The following MARCHF6 variants were observed in gnomAD, a reference collection of about 807,000 sequenced individuals.
MARCHF6 encodes the protein membrane associated ring-CH-type finger 6, also known as E3 ubiquitin-protein ligase MARCHF6.
Under a neutral mutation model 133.7 loss-of-function variants are expected in MARCHF6, and 31 were observed. The ratio of observed to expected loss-of-function variants is 0.23; its 90% confidence interval spans 0.17 to 0.31. The LOEUF is 0.31. Ranked by LOEUF, MARCHF6 falls within the 10% of genes least tolerant of loss-of-function variation. The probability of loss-of-function intolerance (pLI) is 1.00; values close to 1 mark genes in which losing one functional copy is unlikely to be tolerated. For missense variants in MARCHF6, 723 were observed against 1,121.6 expected (o/e 0.64, Z 5.08); for synonymous variants, 395 against 402.5 (o/e 0.98, Z 0.22).
intron 5 of MARCHF6, among the ~76,000 whole-genome samples, chr5:10,387,880 T>G (rs998813870): frequency 6.6e-5 from 10 of 152,136 alleles, no homozygotes; most frequent in African/African-American, 2.4e-4. Flanking sequence ...CAGGCTCGTC[T>G]CAAACTCCTA....
chr5:10,365,012 A>C (rs1339419276), intron 1 of MARCHF6, among the ~76,000 whole-genome samples: 5 of 151,972 alleles, frequency 3.3e-5, no homozygotes, highest in African/African-American at 9.7e-5. Flanking sequence ...CATGTTGGCC[A>C]AGCTGGTCTT....
At chr5:10,362,615 A>G (rs1735894531) in intron 1 of MARCHF6, among the ~76,000 whole-genome samples, 1 of 152,268 alleles carries the variant, frequency 6.6e-6, no homozygotes, top group Non-Finnish European at 1.5e-5. Context: ...ATTATAAGAC[A>G]ATTGGATTCT....
At chr5:10,405,780 T>C in intron 16 of MARCHF6, 103 bp downstream of exon 16, 3 of 952,764 alleles carry the variant, frequency 3.1e-6, no homozygotes, top group Non-Finnish European at 4.5e-6. Flanking sequence ...TGATAGAGTA[T>C]ATTGAATAAT....
At chr5:10,395,252 A>G (rs753577120) in intron 9 of MARCHF6, among the ~76,000 whole-genome samples, 1 of 152,218 alleles carries the variant, frequency 6.6e-6, no homozygotes, top group Non-Finnish European at 1.5e-5. Context: ...ATATTGAAAA[A>G]GCATAAAGGT....
chr5:10,383,910 T>G (rs1005743425), intron 4 of MARCHF6, among the ~76,000 whole-genome samples: 17 of 152,174 alleles, frequency 1.1e-4, no homozygotes, highest in Non-Finnish European at 1.6e-4. Context: ...GTGGGGAGAT[T>G]ATAGATGTTC....
At chr5:10,433,500 G>A (rs1740467797) in intron 25 of MARCHF6, 94 bp from the exon 26 acceptor site, 7 of 922,218 alleles carry the variant, frequency 7.6e-6, no homozygotes, top group African/African-American at 1.6e-5. Flanking sequence ...AACCATTGAC[G>A]AGTTTTAAGT....
rs1740777788 is a variant in MARCHF6, at chr5:10,439,531, A to C, written c.*5847A>C. 6.6e-6 allele frequency: 1 copy of C among 152,252 alleles called. No individual in the cohort carries two copies. The highest frequency in any genetic ancestry group is 1.5e-5 in the Non-Finnish European group (1 of 68,048). 9.4% of individuals were successfully genotyped at this position (152,252 alleles called of 1,614,324 possible). Reference sequence around the variant, plus strand: ...TGTAGAGTGGCAGAAAAATATTTGCAAAACATTTCTGATAAATGAGTTGCA... The same window carrying C: ...TGTAGAGTGGCAGAAAAATATTTGCCAAACATTTCTGATAAATGAGTTGCA... On this transcript the variant is annotated 3_prime_UTR_variant, in exon 26 of 26. Coordinates refer to ENST00000274140, the MANE Select transcript of MARCHF6 (RefSeq NM_005885.4).
intron 9 of MARCHF6, among the ~76,000 whole-genome samples, chr5:10,396,722 G>A (rs1738212968): frequency 1.3e-5 from 2 of 152,174 alleles, no homozygotes; most frequent in South Asian, 4.1e-4. Context: ...AGAGGTGACA[G>A]TATGTAACTG....
intron 4 of MARCHF6, 26 bp downstream of exon 4, chr5:10,381,969 GTTAT>G (rs781171170): frequency 6.2e-7 from 1 of 1,604,082 alleles, no homozygotes. Flanking sequence ...TCTGATTGGA[GTTAT>G]TTAAACATTG....
intron 1 of MARCHF6, among the ~76,000 whole-genome samples, chr5:10,367,321 A>T (rs1475694432): frequency 1.3e-5 from 2 of 152,244 alleles, no homozygotes; most frequent in African/African-American, 4.8e-5. Context: ...TAAGTGTAAC[A>T]AAAGTGTAAC....
chr5:10,430,892 C>T (rs1170545486), intron 25 of MARCHF6, among the ~76,000 whole-genome samples: 1 of 152,166 alleles, frequency 6.6e-6, no homozygotes, highest in Non-Finnish European at 1.5e-5. Context: ...AAGGAAAACA[C>T]CTTCCTGGGA....
intron 1 of MARCHF6, among the ~76,000 whole-genome samples, chr5:10,361,656 C>CG (rs913041334): frequency 2.0e-5 from 3 of 152,164 alleles, no homozygotes; most frequent in Non-Finnish European, 2.9e-5. Context: ...ACGTGAATTA[C>CG]GGGGGGAGGG....
At chr5:10,402,176 A>G (rs1453084261) in intron 12 of MARCHF6, 37 bp downstream of exon 12, 4 of 1,304,902 alleles carry the variant, frequency 3.1e-6, no homozygotes, top group East Asian at 2.3e-5. Flanking sequence ...GTACACTAAT[A>G]TTATTCATAC....
chr5:10,413,872 G>A (rs554169992), intron 19 of MARCHF6, among the ~76,000 whole-genome samples: 48 of 152,230 alleles, frequency 3.2e-4, no homozygotes, highest in African/African-American at 1.0e-3. Flanking sequence ...AGATTTGAGT[G>A]GGGACACAGT....
chr5:10,417,717 CAAAAAAAAAAAA>C (rs748194332), intron 22 of MARCHF6, among the ~76,000 whole-genome samples: 2 of 52,520 alleles, frequency 3.8e-5, no homozygotes, highest in Non-Finnish European at 7.6e-5. Flanking sequence ...AGCCTCTGTC[CAAAAAAAAAAAA>C]AAAAAAAAAG....
chr5:10,366,680 C>T (rs1323435465), intron 1 of MARCHF6, among the ~76,000 whole-genome samples: 2 of 152,196 alleles, frequency 1.3e-5, no homozygotes, highest in African/African-American at 4.8e-5. Context: ...GCTTCCACAG[C>T]CCTTAGAATT....
chr5:10,396,868 A>G (rs1738223436), intron 9 of MARCHF6, among the ~76,000 whole-genome samples: 1 of 152,236 alleles, frequency 6.6e-6, no homozygotes, highest in Non-Finnish European at 1.5e-5. Context: ...TGTAGGTGTC[A>G]AGAAGGCAGA....
At chr5:10,402,717 ATTC>A (rs1055037802) in intron 14 of MARCHF6, 110 bp downstream of exon 14, 2 of 997,520 alleles carry the variant, frequency 2.0e-6, no homozygotes, top group African/African-American at 1.6e-5. Flanking sequence ...TAATTTGCTT[ATTC>A]TTTTGGCATG....
At chr5:10,413,270 C>T (rs935421746) in intron 19 of MARCHF6, 2 of 152,200 alleles carry the variant, frequency 1.3e-5, no homozygotes, top group Non-Finnish European at 2.9e-5. Context: ...CTCGCCTCTC[C>T]GCAGACAAAA....
Sources: gnomAD v4.1 joint callset for allele counts (sites outside exome capture counted in the v4.1 genomes callset) on GRCh38, gnomAD v4.1.1 for gene constraint, MANE v1.5 for transcripts, NCBI Gene and HGNC (gene_info 2026-07-23, HGNC 2026-07-21) for gene names.